ATP5MC2: variants seen among roughly 807,000 people sequenced by gnomAD.
ATP5MC2 encodes the protein ATP synthase membrane subunit c locus 2.
ATP5MC2 carries 11 observed loss-of-function variants against 13.5 expected under a neutral mutation model. That is an observed-to-expected ratio of 0.81 (90% CI 0.51 to 1.35). The LOEUF is 1.35. ATP5MC2 is among the 40% of genes most tolerant of loss of function. The pLI is 0.00. For missense variants in ATP5MC2, 132 were observed against 175.0 expected, an observed-to-expected ratio of 0.75 and a Z score of 1.39; for synonymous variants, 64 against 69.7, an observed-to-expected ratio of 0.92 and a Z score of 0.41.
At chr12:53,672,866 A>G (rs1945142570) in intron 1 of ATP5MC2, 2 of 517,142 alleles carry the variant, frequency 3.9e-6, no homozygotes, top group Non-Finnish European at 6.9e-6. Flanking sequence ...CCTGGTCTGA[A>G]CAAGTGAACA....
chr12:53,665,302 G>C lies in ATP5MC2; in HGVS notation c.*12C>G. On this transcript the variant is annotated 3_prime_UTR_variant, in exon 5 of 5. Transcript: ENST00000394349. ...AGACGCGGGAGAACTATGGGAGGTG[G>C]AGACGGCTCCTTCACATGGCAAAGA... The C allele has an allele frequency of 6.2e-7, 1 of 1,601,010 alleles. No individual in the cohort carries two copies. Among genetic ancestry groups the C allele is most frequent in the South Asian group, 1.1e-5 (1 of 90,498 alleles).
In ATP5MC2 at chr12:53,669,916, C is replaced by T. The variant is rs768344833; in HGVS notation, c.72G>A (p.Pro24=). The T allele has an allele frequency of 6.8e-6, 11 of 1,613,932 alleles. No individual in the cohort carries two copies. The highest frequency in any genetic ancestry group is 6.7e-5 in the East Asian group (3 of 44,904). The part of the protein sequence containing the change: ...VKSTSQLLSR[P]LSAVVLKRPE... ...GTCGTTTCAGCACCACTGCAGATAG[C>T]GGACGGCTCAGCAGCTGTGAGGTGC... The change falls in exon 3 of 5, where the codon CCG becomes CCA. Residue 24 remains proline, a synonymous_variant. Coordinates refer to ENST00000394349, the MANE Select transcript of ATP5MC2 (RefSeq NM_005176.7).
chr12:53,674,360 C>A (rs1452456124), intron 1 of ATP5MC2, among the ~76,000 whole-genome samples: 1 of 152,192 alleles, frequency 6.6e-6, no homozygotes, highest in African/African-American at 2.4e-5. Context: ...CAAAAAAGAT[C>A]TCTGGGAATA....
Position 53,676,057 on chromosome 12 carries a change from T to C in ATP5MC2, c.-36A>G. 1 of 1,613,828 alleles carries C rather than the reference T, an allele frequency of 6.2e-7. No individual in the cohort carries two copies. The highest frequency in any genetic ancestry group is 8.5e-7 in the Non-Finnish European group (1 of 1,179,956). ...CTCTAGGTCCCAAGGCCTTACCTGC[T>C]CCCACTGCAGAGAAGACAGAGAGGG... On this transcript the variant is annotated 5_prime_UTR_variant, in exon 1 of 5. Transcript: ENST00000394349.
chr12:53,667,196 A>G (rs1944939817), intron 4 of ATP5MC2, among the ~76,000 whole-genome samples: 1 of 152,194 alleles, frequency 6.6e-6, no homozygotes, highest in African/African-American at 2.4e-5. Flanking sequence ...ACATTAAGAG[A>G]ACTTCCTGGT....
upstream of ATP5MC2, among the ~76,000 whole-genome samples, chr12:53,680,767 T>C (rs1945336111): frequency 6.6e-6 from 1 of 152,242 alleles, no homozygotes; most frequent in Non-Finnish European, 1.5e-5. Context: ...ACATATATTT[T>C]GAGCATCTCC....
chr12:53,672,583 G>A lies in ATP5MC2; in HGVS notation c.32C>T (p.Pro11Leu), dbSNP rs1223446059. 2 of 1,579,384 alleles carry A rather than the reference G, an allele frequency of 1.3e-6. No homozygotes were observed. The highest frequency in any genetic ancestry group is 1.7e-6 in the Non-Finnish European group (2 of 1,162,236). ...AGAAAAGCAGGTACTCACCAAGGAG[G>A]GAGTGGAGACAAACTTGGAGCAGGC... MFACSKFVST[P>L]SLVKSTSQLL... The change falls in exon 2 of 5, where the codon CCC (proline) becomes CTC (leucine). Residue 11 changes from proline to leucine, a missense_variant. Transcript: ENST00000394349.
upstream of ATP5MC2, among the ~76,000 whole-genome samples, chr12:53,679,300 G>A (rs1050699404): frequency 2.1e-5 from 3 of 145,326 alleles, no homozygotes; most frequent in East Asian, 2.0e-4. Context: ...AGAGAAATGC[G>A]AAGAAAAAAT....
chr12:53,680,993 G>A (rs11170643), upstream of ATP5MC2, among the ~76,000 whole-genome samples: 51,975 of 151,562 alleles, frequency 0.34, 9,051 homozygotes, highest in South Asian at 0.38. Flanking sequence ...TGCAACCTCC[G>A]CCTCCTGGGT....
In ATP5MC2 at chr12:53,669,343, T is replaced by C; in HGVS notation, c.118-2A>G. ...TGAGACTGCCAAGCTGCTGAGGCTC[T>C]GTGAAAAAGAGGCAGGTAGAAGGTA... On this transcript the variant is annotated splice_acceptor_variant, in intron 3 of 4. Coordinates refer to ENST00000394349, the MANE Select transcript of ATP5MC2 (RefSeq NM_005176.7). LOFTEE classifies it high-confidence loss of function. 4 of 1,608,434 alleles carry C rather than the reference T, an allele frequency of 2.5e-6. No individual in the cohort carries two copies. Among genetic ancestry groups the C allele is most frequent in the Non-Finnish European group, 3.4e-6 (4 of 1,177,128 alleles).
chr12:53,674,736 C>T (rs1273582851), intron 1 of ATP5MC2, among the ~76,000 whole-genome samples: 1 of 152,176 alleles, frequency 6.6e-6, no homozygotes, highest in Non-Finnish European at 1.5e-5. Flanking sequence ...GTGTGAGCCA[C>T]CACACCCAGC....
At chr12:53,676,293 C>T, upstream of ATP5MC2, 1 of 1,526,332 alleles carries the variant, frequency 6.6e-7, no homozygotes, top group Non-Finnish European at 8.9e-7. Context: ...GAAATGAGGC[C>T]AACTCCGCGG....
At chr12:53,668,844 C>T (rs1945009308) in intron 4 of ATP5MC2, among the ~76,000 whole-genome samples, 1 of 151,932 alleles carries the variant, frequency 6.6e-6, no homozygotes, top group African/African-American at 2.4e-5. Flanking sequence ...CATGGCGAAA[C>T]CCCATCTCTA....
At chr12:53,675,387 T>C (rs1369621808) in intron 1 of ATP5MC2, among the ~76,000 whole-genome samples, 1 of 152,188 alleles carries the variant, frequency 6.6e-6, no homozygotes, top group Non-Finnish European at 1.5e-5. Context: ...TTGTGACTTT[T>C]ACAACTTCAC....
intron 4 of ATP5MC2, 66 bp from the exon 5 acceptor site, chr12:53,665,494 G>T: frequency 7.7e-7 from 1 of 1,297,756 alleles, no homozygotes; most frequent in South Asian, 1.2e-5. Context: ...AAATATCTAA[G>T]ATGGGCTCAG....
intron 1 of ATP5MC2, among the ~76,000 whole-genome samples, chr12:53,675,130 A>G (rs1945226603): frequency 6.6e-6 from 1 of 152,242 alleles, no homozygotes. Context: ...CAAAGGCACT[A>G]TCCAGAATCA....
Position 53,672,601 on chromosome 12 carries a change from G to C in ATP5MC2, c.14C>G (p.Ser5Cys), listed in dbSNP as rs754985011. The part of the protein sequence containing the change: MFAC[S>C]KFVSTPSLVK... ...CAAGGAGGGAGTGGAGACAAACTTG[G>C]AGCAGGCGAACATTTTCAGGGGGTG... The change falls in exon 2 of 5, where the codon TCC becomes TGC. Residue 5 changes from serine (S) to cysteine (C), a missense_variant. Coordinates refer to ENST00000394349, the MANE Select transcript of ATP5MC2 (RefSeq NM_005176.7). The C allele has an allele frequency of 1.9e-6, 3 of 1,584,738 alleles. No individual in the cohort carries two copies. In the South Asian group the frequency reaches 3.5e-5, roughly 18 times the overall value.
upstream of ATP5MC2, among the ~76,000 whole-genome samples, chr12:53,679,238 C>CGAGAGAGAGAGAGAGAGAGAGAGA (rs59340879): frequency 2.0e-4 from 25 of 127,756 alleles, 3 homozygotes; most frequent in African/African-American, 7.5e-4. Flanking sequence ...ATTTTAAAAA[C>CGAGAGAGAGAGAGAGAGAGAGAGA]GAGAGAGAGA....
At position 53,667,333 on chromosome 12, in the gene ATP5MC2, A is replaced by C. The variant is rs536350280; in HGVS notation, c.311+1815T>G. 2.3e-4 allele frequency among the ~76,000 whole-genome samples: 35 copies of C among 152,282 alleles called. 1 individual carries two copies. The South Asian group carries it at 6.6e-3, about 29-fold the overall frequency. ...CCAGGAGTGACAGAGGGAAATTCCC[A>C]GAGATGGGAAAAAATAGCAGTAAAG... is the stretch of plus-strand genomic sequence containing the variant. On this transcript the variant is annotated intron_variant, in intron 4 of 4. Coordinates refer to ENST00000394349, the MANE Select transcript of ATP5MC2 (RefSeq NM_005176.7).
Sources: gnomAD v4.1 joint callset for allele counts (sites outside exome capture counted in the v4.1 genomes callset) on GRCh38, gnomAD v4.1.1 for gene constraint, MANE v1.5 for transcripts, NCBI Gene and HGNC (gene_info 2026-07-23, HGNC 2026-07-21) for gene names.